Variants in DAB1 observed in about 807,000 individuals in gnomAD.
DAB1 encodes disabled homolog 1.
DAB1 carries 15 observed loss-of-function variants against 64.6 expected under a neutral mutation model. The ratio of observed to expected loss-of-function variants is 0.23; its 90% CI spans 0.16 to 0.36. The LOEUF (loss-of-function observed/expected upper bound fraction) is 0.36. Ranked by LOEUF, DAB1 falls within the 10% of genes least tolerant of loss-of-function variation. The probability of loss-of-function intolerance (pLI) is 1.00; values close to 1 mark genes in which losing one functional copy is unlikely to be tolerated. For missense variants in DAB1, 596 were observed against 706.7 expected, an observed-to-expected ratio of 0.84 and a Z score of 1.78; for synonymous variants, 235 against 251.9, an observed-to-expected ratio of 0.93 and a Z score of 0.64.
At chr1:57,520,078 C>A (rs1644507574) in intron 7 of DAB1, among the ~76,000 whole-genome samples, 1 of 152,140 alleles carries the variant, frequency 6.6e-6, no homozygotes, top group African/African-American at 2.4e-5. Context: ...GTTATTTTAC[C>A]TCTGGAATCT....
intron 6 of DAB1, among the ~76,000 whole-genome samples, chr1:57,684,104 A>G (rs1286491465): frequency 6.6e-6 from 1 of 152,228 alleles, no homozygotes; most frequent in African/African-American, 2.4e-5. Context: ...AAAACCTTCA[A>G]GAAATGTGGC....
chr1:57,327,546 T>C (rs540274442), intron 1 of DAB1, among the ~76,000 whole-genome samples: 1 of 152,104 alleles, frequency 6.6e-6, no homozygotes, highest in African/African-American at 2.4e-5. Context: ...TGGCAACCAA[T>C]CACCCCAAAA....
intron 2 of DAB1, among the ~76,000 whole-genome samples, chr1:57,267,382 C>G (rs1670667977): frequency 6.6e-6 from 1 of 152,170 alleles, no homozygotes; most frequent in Non-Finnish European, 1.5e-5. Flanking sequence ...GTTACAACAG[C>G]CTCAGGAAAT....
chr1:57,727,853 C>T (rs929359350), intron 6 of DAB1, among the ~76,000 whole-genome samples: 5 of 151,984 alleles, frequency 3.3e-5, no homozygotes, highest in Admixed American at 1.3e-4. Flanking sequence ...TAAGTGCCAC[C>T]TTTTCACAAT....
intron 5 of DAB1, among the ~76,000 whole-genome samples, chr1:58,146,786 T>C (rs550724076): frequency 3.3e-5 from 5 of 152,196 alleles, no homozygotes; most frequent in African/African-American, 1.2e-4. Flanking sequence ...ATTGCACATA[T>C]ATATGTGAAA....
rs1205840218 is a variant in DAB1, at chr1:57,195,364, G to T, written c.68-49935C>A. On this transcript the variant is annotated intron_variant, in intron 2 of 14. Coordinates refer to ENST00000371236, the MANE Select transcript of DAB1 (RefSeq NM_001365792.1). ...TGCCTTCACTTAACATATATTTGAG[G>T]AACCAAATTACTTTAACAATAAAGA... Among the ~76,000 whole-genome samples the T allele has an allele frequency of 1.3e-5, 2 of 152,094 alleles. 1 individual carries two copies. Among genetic ancestry groups the T allele is most frequent in the South Asian group, 4.1e-4 (2 of 4,826 alleles).
At chr1:57,010,549 A>T (rs1253974808) in intron 14 of DAB1, 131 bp downstream of exon 14, 1 of 488,794 alleles carries the variant, frequency 2.0e-6, no homozygotes, top group African/African-American at 2.0e-5. Context: ...CGATGGTGCA[A>T]ACATCAGCAA....
chr1:57,600,653 T>C (rs1254559881), intron 7 of DAB1, among the ~76,000 whole-genome samples: 1 of 152,130 alleles, frequency 6.6e-6, no homozygotes, highest in African/African-American at 2.4e-5. Context: ...TGAAAGCCAG[T>C]GCCTTCCTTT....
intron 7 of DAB1, among the ~76,000 whole-genome samples, chr1:57,594,878 T>G (rs1469546906): frequency 6.6e-6 from 1 of 151,936 alleles, no homozygotes; most frequent in Non-Finnish European, 1.5e-5. Flanking sequence ...GCCTGGCTAA[T>G]TTTTTGTATT....
At chr1:58,490,423 C>A (rs1176126319) in intron 3 of DAB1, among the ~76,000 whole-genome samples, 2 of 152,108 alleles carry the variant, frequency 1.3e-5, no homozygotes, top group Non-Finnish European at 2.9e-5. Context: ...ACAAAGCCTC[C>A]AAGAAATATG....
chr1:58,435,152 G>C (rs887945458), intron 3 of DAB1, among the ~76,000 whole-genome samples: 12 of 152,160 alleles, frequency 7.9e-5, no homozygotes, highest in Non-Finnish European at 1.5e-4. Context: ...GGCAGGAGGA[G>C]AGCAGTCAGG....
intron 5 of DAB1, among the ~76,000 whole-genome samples, chr1:58,101,808 C>T (rs1651340067): frequency 6.6e-6 from 1 of 152,096 alleles, no homozygotes; most frequent in African/African-American, 2.4e-5. Context: ...GAAGAGTAAA[C>T]ACAAAGCACA....
At chr1:58,251,668 A>G (rs963155455) in intron 4 of DAB1, among the ~76,000 whole-genome samples, 2 of 152,200 alleles carry the variant, frequency 1.3e-5, no homozygotes, top group Admixed American at 6.5e-5. Flanking sequence ...ACACGAGATG[A>G]GGTGGAGAGG....
At chr1:57,574,602 A>C (rs1423673392) in intron 7 of DAB1, among the ~76,000 whole-genome samples, 1 of 152,198 alleles carries the variant, frequency 6.6e-6, no homozygotes, top group Non-Finnish European at 1.5e-5. Context: ...AAATTTCAGG[A>C]AACTTTGCTC....
chr1:58,512,431 T>G (rs1396469697), intron 2 of DAB1, among the ~76,000 whole-genome samples: 1 of 152,212 alleles, frequency 6.6e-6, no homozygotes, highest in Non-Finnish European at 1.5e-5. Context: ...AATCAGGATC[T>G]CAAAGGGATT....
chr1:58,525,969 A>C (rs961464644), intron 2 of DAB1, among the ~76,000 whole-genome samples: 23 of 152,126 alleles, frequency 1.5e-4, no homozygotes, highest in African/African-American at 5.3e-4. Context: ...TTTTTTCCAT[A>C]AACAGTGCTG....
At chr1:57,164,906 C>A (rs1661086692) in intron 2 of DAB1, among the ~76,000 whole-genome samples, 1 of 152,172 alleles carries the variant, frequency 6.6e-6, no homozygotes, top group Non-Finnish European at 1.5e-5. Flanking sequence ...AAAACTTTCA[C>A]TAATACCAGA....
chr1:58,409,700 A>G (rs1300683497), intron 3 of DAB1, among the ~76,000 whole-genome samples: 4 of 152,040 alleles, frequency 2.6e-5, no homozygotes, highest in Non-Finnish European at 4.4e-5. Context: ...TTTTTATTCC[A>G]TGGAGTTATA....
chr1:57,649,129 G>A (rs1646227142), intron 7 of DAB1, among the ~76,000 whole-genome samples: 1 of 152,148 alleles, frequency 6.6e-6, no homozygotes, highest in South Asian at 2.1e-4. Context: ...CCATGTTTCT[G>A]CATTTATCTT....
Sources: gnomAD v4.1 joint callset for allele counts (sites outside exome capture counted in the v4.1 genomes callset) on GRCh38, gnomAD v4.1.1 for gene constraint, MANE v1.5 for transcripts, NCBI Gene and HGNC (gene_info 2026-07-23, HGNC 2026-07-21) for gene names.